Variants in ST18 observed in about 807,000 individuals in gnomAD.
ST18 encodes the protein suppression of tumorigenicity 18 protein.
Under a neutral mutation model 110.0 loss-of-function variants are expected in ST18, and 50 were observed. The ratio of observed to expected loss-of-function variants is 0.45; its 90% confidence interval spans 0.36 to 0.58. The LOEUF (loss-of-function observed/expected upper bound fraction) is 0.58, where lower values mean the gene tolerates loss of function less well. Ranked by LOEUF, ST18 falls within the 20% of genes least tolerant of loss-of-function variation. The pLI, the probability that ST18 is intolerant of heterozygous loss-of-function variation, is 0.00. For synonymous variants in ST18, 461 were observed against 452.4 expected (o/e 1.02, Z -0.24); for missense variants, 1,306 against 1,280.1 (o/e 1.02, Z -0.31).
rs563065197 is a variant in ST18 at position 52,127,002 on chromosome 8, G to A, written c.2667-862C>T. On this transcript the variant is annotated intron_variant, in intron 22 of 25. Coordinates refer to ENST00000689386, the MANE Select transcript of ST18 (RefSeq NM_001352837.2). ...TCTTTTGCAATCTTGCTGTGTTTTCGTAGAAACAATTTTTAGATCAAAATA... is the reference window on the plus strand; with the variant it reads ...TCTTTTGCAATCTTGCTGTGTTTTCATAGAAACAATTTTTAGATCAAAATA... Among the ~76,000 whole-genome samples, 13 of 152,204 alleles carry A rather than the reference G, an allele frequency of 8.5e-5. No homozygotes were observed. The South Asian group carries it at 1.2e-3, about 15-fold the overall frequency.
chr8:52,140,805 C>T (rs2054707658), intron 17 of ST18, among the ~76,000 whole-genome samples: 1 of 152,130 alleles, frequency 6.6e-6, no homozygotes, highest in Non-Finnish European at 1.5e-5. Flanking sequence ...ATTTACACTA[C>T]ATTTAGTTTG....
At chr8:52,306,262 C>G (rs1206280575) in intron 2 of ST18, among the ~76,000 whole-genome samples, 1 of 152,212 alleles carries the variant, frequency 6.6e-6, no homozygotes, top group Admixed American at 6.5e-5. Flanking sequence ...AGCTGAGGAT[C>G]CTCCCTAGAA....
At chr8:52,291,967 G>T (rs1044206994) in intron 2 of ST18, among the ~76,000 whole-genome samples, 1 of 152,074 alleles carries the variant, frequency 6.6e-6, no homozygotes, top group Non-Finnish European at 1.5e-5. Flanking sequence ...TACAGACGGG[G>T]TTTCACCATG....
chr8:52,150,060 T>C, intron 15 of ST18, 83 bp from the exon 16 acceptor site: 1 of 1,494,632 alleles, frequency 6.7e-7, no homozygotes, highest in Non-Finnish European at 9.0e-7. Flanking sequence ...GGGATCATTT[T>C]AAATGTAAGC....
intron 2 of ST18, among the ~76,000 whole-genome samples, chr8:52,257,355 G>A (rs988591219): frequency 1.3e-5 from 2 of 152,152 alleles, no homozygotes; most frequent in African/African-American, 4.8e-5. Flanking sequence ...TTGAGGAACT[G>A]CTAAATAGTT....
intron 8 of ST18, among the ~76,000 whole-genome samples, chr8:52,208,651 C>A (rs1307274450): frequency 6.6e-6 from 1 of 152,108 alleles, no homozygotes; most frequent in African/African-American, 2.4e-5. Flanking sequence ...ACGGTGAAAC[C>A]CCGTCTCTAC....
At chr8:52,284,785 C>T (rs2095441098) in intron 2 of ST18, among the ~76,000 whole-genome samples, 1 of 152,040 alleles carries the variant, frequency 6.6e-6, no homozygotes, top group Non-Finnish European at 1.5e-5. Flanking sequence ...CTCAGGGGGA[C>T]TGGAGTGAAG....
intron 10 of ST18, chr8:52,171,522 TG>T: frequency 5.6e-6 from 3 of 536,080 alleles, no homozygotes; most frequent in Non-Finnish European, 3.5e-6. Context: ...AAAGGTATGA[TG>T]CATTTATAAA....
rs561011780 is a variant in ST18, at chr8:52,389,133, C to G, written c.-465+20195G>C. Among the ~76,000 whole-genome samples the G allele has an allele frequency of 9.9e-5, 15 of 152,244 alleles. No individual in the cohort carries two copies. In the East Asian group the frequency reaches 2.5e-3, roughly 26 times the overall value. On this transcript the variant is annotated intron_variant, in intron 2 of 25. Transcript: ENST00000689386. ...GCGAGCCTGGCGCTTCAGGCGCTGC[C>G]CGGGGCTTGGCTGTGGGGCTCCCAG...
intron 2 of ST18, among the ~76,000 whole-genome samples, chr8:52,335,563 C>A (rs1029033916): frequency 6.6e-6 from 1 of 152,092 alleles, no homozygotes; most frequent in Non-Finnish European, 1.5e-5. Context: ...ATTCACATAG[C>A]CTGAAGGTGA....
chr8:52,231,113 A>G (rs527266232), intron 2 of ST18, among the ~76,000 whole-genome samples: 1 of 152,332 alleles, frequency 6.6e-6, no homozygotes, highest in Non-Finnish European at 1.5e-5. Flanking sequence ...TTGACCTAAT[A>G]TGTCTAGATC....
At chr8:52,181,740 G>A (rs919715449) in intron 8 of ST18, among the ~76,000 whole-genome samples, 3 of 152,160 alleles carry the variant, frequency 2.0e-5, no homozygotes, top group African/African-American at 7.2e-5. Context: ...CAGGAAGTGA[G>A]GACCAACATG....
chr8:52,280,100 T>C (rs2095347200), intron 2 of ST18, among the ~76,000 whole-genome samples: 1 of 152,022 alleles, frequency 6.6e-6, no homozygotes, highest in Non-Finnish European at 1.5e-5. Flanking sequence ...GGAGAAGGTG[T>C]TGGTTAATTT....
chr8:52,269,524 G>A (rs541156577), intron 2 of ST18, among the ~76,000 whole-genome samples: 6 of 152,282 alleles, frequency 3.9e-5, no homozygotes, highest in South Asian at 2.1e-4. Context: ...CTAGGTGTGA[G>A]TTCAGTGCAA....
intron 2 of ST18, among the ~76,000 whole-genome samples, chr8:52,357,657 C>T (rs1219750126): frequency 4.6e-5 from 5 of 108,528 alleles, no homozygotes; most frequent in Non-Finnish European, 7.7e-5. Flanking sequence ...TTACACATAA[C>T]AAATCCCCAA....
At chr8:52,141,767 A>G (rs6982760) in intron 17 of ST18, among the ~76,000 whole-genome samples, 46,678 of 152,068 alleles carry the variant, frequency 0.31, 10,454 homozygotes, top group African/African-American at 0.64. Flanking sequence ...AGAGCTTAGG[A>G]GAAGCAAGAA....
chr8:52,192,750 A>G (rs1298500731), intron 8 of ST18, among the ~76,000 whole-genome samples: 1 of 152,232 alleles, frequency 6.6e-6, no homozygotes, highest in Non-Finnish European at 1.5e-5. Context: ...TTGTACATTC[A>G]TTACTCCAAA....
chr8:52,351,808 C>T (rs1590162232), intron 2 of ST18, among the ~76,000 whole-genome samples: 1 of 152,142 alleles, frequency 6.6e-6, no homozygotes, highest in South Asian at 2.1e-4. Context: ...GCATGACCTT[C>T]GGGTGGTTCA....
chr8:52,153,756 T>G (rs973244344), intron 15 of ST18, among the ~76,000 whole-genome samples: 6 of 152,306 alleles, frequency 3.9e-5, no homozygotes, highest in African/African-American at 1.4e-4. Flanking sequence ...CAGGCATGAG[T>G]TCAAATTTCT....
Sources: allele counts gnomAD v4.1 joint callset (sites outside exome capture counted in the v4.1 genomes callset), GRCh38; gene constraint gnomAD v4.1.1; transcripts MANE v1.5; gene names NCBI Gene and HGNC (gene_info 2026-07-23, HGNC 2026-07-21).